The following PREP variants were observed in gnomAD, a reference collection of about 807,000 sequenced individuals.
The protein encoded by PREP is prolyl endopeptidase.
PREP carries 29 observed loss-of-function variants against 87.6 expected under a neutral mutation model. That is an observed-to-expected ratio of 0.33 (90% confidence interval 0.25 to 0.45). The LOEUF (loss-of-function observed/expected upper bound fraction) is 0.45, where lower values mean the gene tolerates loss of function less well. PREP is among the 20% of genes least tolerant of loss of function. The probability of loss-of-function intolerance (pLI) is 1.00; values close to 1 mark genes in which losing one functional copy is unlikely to be tolerated. For synonymous variants in PREP, 337 were observed against 328.6 expected (o/e 1.03, Z -0.28); for missense variants, 695 against 886.5 (o/e 0.78, Z 2.74).
At chr6:105,360,911 GTCA>G (rs1772229651) in intron 6 of PREP, among the ~76,000 whole-genome samples, 2 of 152,046 alleles carry the variant, frequency 1.3e-5, no homozygotes, top group Non-Finnish European at 2.9e-5. Context: ...CTACCACTGG[GTCA>G]TTTGAAGGCT....
At position 105,277,678 on chromosome 6, in the gene PREP, G is replaced by C. The variant is rs1157917982; in HGVS notation, c.*466C>G. ...ATTCTCACAGAAAACTCCACTTCTG[G>C]AGTTGCCCCTCAATATGAAGAAACC... On this transcript the variant is annotated 3_prime_UTR_variant, in exon 15 of 15. Transcript: ENST00000652536. The C allele has an allele frequency of 6.4e-6, 1 of 157,234 alleles. No individual in the cohort carries two copies. The highest frequency in any genetic ancestry group is 1.4e-5 in the Non-Finnish European group (1 of 71,078). 9.7% of individuals were successfully genotyped at this position (157,234 alleles called of 1,614,324 possible). A position where few individuals can be genotyped will look rare whatever the true frequency, so the allele number is the denominator to read the frequency against.
chr6:105,347,125 C>A (rs1459419057), intron 7 of PREP, among the ~76,000 whole-genome samples: 1 of 151,930 alleles, frequency 6.6e-6, no homozygotes, highest in Admixed American at 6.6e-5. Context: ...GAATAAAGTA[C>A]CTGACTTTCT....
Position 105,397,735 on chromosome 6 carries a change from A to G in PREP, c.120+118T>C, listed in dbSNP as rs531703078. 7.6e-6 allele frequency: 6 copies of G among 793,728 alleles called. No individual in the cohort carries two copies. In the South Asian group the frequency reaches 9.8e-5, roughly 13 times the overall value. 49.2% of individuals were successfully genotyped at this position (793,728 alleles called of 1,614,324 possible). A position where few individuals can be genotyped will look rare whatever the true frequency, so the allele number is the denominator to read the frequency against. ...AGTAGTGGTAACAACAGGTATACTC[A>G]CCATCCCATGGCAGAAAACACAGGA... On this transcript the variant is annotated intron_variant, in intron 2 of 14. Coordinates refer to ENST00000652536, the MANE Select transcript of PREP (RefSeq NM_002726.5).
intron 2 of PREP, among the ~76,000 whole-genome samples, chr6:105,389,875 CCA>C (rs1403619154): frequency 2.0e-5 from 3 of 152,008 alleles, no homozygotes. Flanking sequence ...AAGGTTAACC[CCA>C]GAGACCAAAA....
intron 10 of PREP, among the ~76,000 whole-genome samples, chr6:105,320,150 C>T (rs17065795): frequency 0.053 from 8,015 of 152,204 alleles, 220 homozygotes; most frequent in Middle Eastern, 0.085. Context: ...GACAATGGCA[C>T]ACAAATTTTA....
At chr6:105,307,997 T>A (rs1020986896) in intron 10 of PREP, among the ~76,000 whole-genome samples, 2 of 152,178 alleles carry the variant, frequency 1.3e-5, no homozygotes, top group Non-Finnish European at 2.9e-5. Context: ...AGTACAACCA[T>A]CACCATCTTT....
chr6:105,312,509 C>A (rs968772930), intron 10 of PREP, among the ~76,000 whole-genome samples: 5 of 152,126 alleles, frequency 3.3e-5, no homozygotes, highest in African/African-American at 1.2e-4. Flanking sequence ...GCATGAAGAC[C>A]CAGAACTAAC....
chr6:105,287,203 G>A (rs1770206028), intron 11 of PREP, among the ~76,000 whole-genome samples: 1 of 151,702 alleles, frequency 6.6e-6, no homozygotes, highest in African/African-American at 2.4e-5. Context: ...AGATACCAAT[G>A]TGTTAATATT....
intron 1 of PREP, 121 bp from the exon 2 acceptor site, chr6:105,398,048 C>T: frequency 2.6e-6 from 2 of 758,290 alleles, no homozygotes; most frequent in Non-Finnish European, 2.2e-6. Flanking sequence ...GGCTCACTGG[C>T]AACGTGTCTG....
intron 11 of PREP, 33 bp from the exon 12 acceptor site, chr6:105,285,613 T>C (rs747914839): frequency 1.3e-6 from 2 of 1,560,426 alleles, no homozygotes; most frequent in South Asian, 2.2e-5. Context: ...AACCTTCCAT[T>C]AACTGCCTAG....
At position 105,274,748 on chromosome 6, in the gene PREP, G is replaced by GT. The variant is rs1267658120; in HGVS notation, c.*3395dup. ...GCGCCATTGCACTCCAGCCTGGGCC[G>GT]TAACAGCAAAACTCCATCCCAAAAA... On this transcript the variant is annotated 3_prime_UTR_variant, in exon 15 of 15. Transcript: ENST00000652536. Among the ~76,000 whole-genome samples, 2 of 152,112 alleles carry GT rather than the reference G, an allele frequency of 1.3e-5. No homozygotes were observed. The highest frequency in any genetic ancestry group is 4.8e-5 in the African/African-American group (2 of 41,418).
intron 10 of PREP, among the ~76,000 whole-genome samples, chr6:105,302,241 C>G (rs1627584): frequency 1.3e-5 from 2 of 152,130 alleles, no homozygotes; most frequent in Non-Finnish European, 2.9e-5. Flanking sequence ...ACATGGCTCA[C>G]TGCAATGGGA....
chr6:105,336,524 G>A (rs764939850), intron 7 of PREP, among the ~76,000 whole-genome samples: 20 of 152,150 alleles, frequency 1.3e-4, no homozygotes, highest in Non-Finnish European at 2.5e-4. Context: ...TAATCATGAT[G>A]TTAGATATAC....
chr6:105,333,224 A>G, intron 8 of PREP, 90 bp downstream of exon 8: 1 of 1,279,500 alleles, frequency 7.8e-7, no homozygotes, highest in African/African-American at 1.5e-5. Flanking sequence ...TTTACCTTGT[A>G]ACAGATCACT....
chr6:105,294,198 C>T (rs1483951310), intron 10 of PREP, among the ~76,000 whole-genome samples: 1 of 152,156 alleles, frequency 6.6e-6, no homozygotes, highest in African/African-American at 2.4e-5. Context: ...ATACAGTTTT[C>T]CAGGCTTTAT....
At chr6:105,338,672 T>C (rs1771542141) in intron 7 of PREP, among the ~76,000 whole-genome samples, 1 of 152,084 alleles carries the variant, frequency 6.6e-6, no homozygotes, top group African/African-American at 2.4e-5. Flanking sequence ...ACCTGGAAAA[T>C]TGGGACACTC....
intron 2 of PREP, among the ~76,000 whole-genome samples, chr6:105,390,967 T>C (rs1773127225): frequency 6.6e-6 from 1 of 151,650 alleles, no homozygotes; most frequent in South Asian, 2.1e-4. Context: ...TATACAATTC[T>C]CCCTGGACAT....
At chr6:105,352,726 G>T (rs930979680) in intron 7 of PREP, among the ~76,000 whole-genome samples, 1 of 152,100 alleles carries the variant, frequency 6.6e-6, no homozygotes, top group African/African-American at 2.4e-5. Flanking sequence ...CAATACTCAC[G>T]GGATATTTTC....
chr6:105,364,638 T>G (rs1174370752), intron 6 of PREP, among the ~76,000 whole-genome samples: 1 of 152,114 alleles, frequency 6.6e-6, no homozygotes, highest in Non-Finnish European at 1.5e-5. Flanking sequence ...AGCAGCTAAG[T>G]TCTCTCCCAG....
Sources: allele counts gnomAD v4.1 joint callset (sites outside exome capture counted in the v4.1 genomes callset), GRCh38; gene constraint gnomAD v4.1.1; transcripts MANE v1.5; gene names NCBI Gene and HGNC (gene_info 2026-07-23, HGNC 2026-07-21).